GPR137C: variants seen among roughly 807,000 people sequenced by gnomAD.
GPR137C encodes the protein integral membrane protein GPR137C.
A neutral mutation model predicts 43.4 loss-of-function variants in GPR137C; 27 were observed. The observed-to-expected ratio is 0.62, with a 90% confidence interval of 0.46 to 0.86. The LOEUF is 0.86. GPR137C is among the 40% of genes least tolerant of loss of function. The probability of loss-of-function intolerance (pLI) is 0.00; values close to 1 mark genes in which losing one functional copy is unlikely to be tolerated. For synonymous variants in GPR137C, 285 were observed against 226.9 expected, an observed-to-expected ratio of 1.26 and a Z score of -2.30; for missense variants, 522 against 534.6, an observed-to-expected ratio of 0.98 and a Z score of 0.23.
intron 1 of GPR137C, among the ~76,000 whole-genome samples, chr14:52,564,276 A>AAC (rs1234489913): frequency 6.9e-6 from 1 of 145,650 alleles, no homozygotes. Flanking sequence ...CTTCGTCTCA[A>AAC]AAAAAAAAAA....
chr14:52,564,130 C>T (rs1046698865), intron 1 of GPR137C, among the ~76,000 whole-genome samples: 1 of 152,086 alleles, frequency 6.6e-6, no homozygotes, highest in Non-Finnish European at 1.5e-5. Flanking sequence ...CAAAAATTAG[C>T]TGGGTGTGGT....
chr14:52,578,701 T>C (rs1415518493), intron 1 of GPR137C, among the ~76,000 whole-genome samples: 1 of 152,132 alleles, frequency 6.6e-6, no homozygotes, highest in African/African-American at 2.4e-5. Context: ...TTTGGGAGGC[T>C]GAGGTGGGCG....
chr14:52,618,206 CTG>C (rs2039121147), intron 3 of GPR137C, among the ~76,000 whole-genome samples: 1 of 152,140 alleles, frequency 6.6e-6, no homozygotes, highest in South Asian at 2.1e-4. Context: ...AAGAGTTGAC[CTG>C]TCTGATAGAT....
chr14:52,628,044 A>G (rs1230395935), intron 3 of GPR137C, among the ~76,000 whole-genome samples: 1 of 152,194 alleles, frequency 6.6e-6, no homozygotes, highest in East Asian at 1.9e-4. Flanking sequence ...GCTAGTGGCT[A>G]TTGTGTTGAA....
intron 1 of GPR137C, among the ~76,000 whole-genome samples, chr14:52,587,008 A>G (rs2038722005): frequency 6.6e-6 from 1 of 152,136 alleles, no homozygotes; most frequent in African/African-American, 2.4e-5. Flanking sequence ...AGCCAGCCCA[A>G]TTCTTCAGCA....
chr14:52,630,026 C>T (rs1243532813), intron 3 of GPR137C, among the ~76,000 whole-genome samples: 2 of 152,128 alleles, frequency 1.3e-5, no homozygotes, highest in Non-Finnish European at 2.9e-5. Context: ...GGAAGGTTTT[C>T]TTCGACTTTC....
At chr14:52,573,201 T>C (rs1448753708) in intron 1 of GPR137C, among the ~76,000 whole-genome samples, 2 of 152,296 alleles carry the variant, frequency 1.3e-5, no homozygotes, top group African/African-American at 4.8e-5. Flanking sequence ...TTGACTTTCT[T>C]CACAGAATTA....
At chr14:52,600,700 A>C (rs1330579305) in intron 3 of GPR137C, among the ~76,000 whole-genome samples, 1 of 152,226 alleles carries the variant, frequency 6.6e-6, no homozygotes, top group Non-Finnish European at 1.5e-5. Context: ...TTACTAAACA[A>C]TGGTTTAAAG....
At chr14:52,595,811 A>G (rs1269154289) in intron 1 of GPR137C, among the ~76,000 whole-genome samples, 3 of 152,088 alleles carry the variant, frequency 2.0e-5, no homozygotes, top group Non-Finnish European at 4.4e-5. Flanking sequence ...TTTGAAGCCT[A>G]CTTCTGTCAA....
intron 1 of GPR137C, chr14:52,596,787 G>T: frequency 5.2e-6 from 2 of 384,502 alleles, no homozygotes; most frequent in South Asian, 3.8e-5. Context: ...CCCAGGTGAG[G>T]CGACACCCTG....
At chr14:52,555,300 C>A (rs536636540) in intron 1 of GPR137C, among the ~76,000 whole-genome samples, 1 of 152,068 alleles carries the variant, frequency 6.6e-6, no homozygotes, top group African/African-American at 2.4e-5. Context: ...ACTCTTTTTA[C>A]TTCTTGAGGT....
At position 52,632,240 on chromosome 14, in the gene GPR137C, G is replaced by A. The variant is rs753170232; in HGVS notation, c.798G>A (p.Val266=). ...CTTCCAGAGCTTGTTATAATTTGGT[G>A]GTGGTCACCATATCTCAGGATACAT... ...LYSSRACYNL[V]VVTISQDTLE... The change falls in exon 4 of 7, where the codon GTG becomes GTA. Residue 266 remains valine (V), a synonymous_variant. Transcript: ENST00000321662. The A allele has an allele frequency of 2.5e-6, 4 of 1,610,350 alleles. No homozygotes were observed. Among genetic ancestry groups the A allele is most frequent in the Admixed American group, 1.7e-5 (1 of 59,942 alleles).
chr14:52,582,847 C>T (rs893464480), intron 1 of GPR137C, among the ~76,000 whole-genome samples: 3 of 152,018 alleles, frequency 2.0e-5, no homozygotes, highest in Non-Finnish European at 2.9e-5. Flanking sequence ...TTTCAAATCA[C>T]TTGTATATGA....
At chr14:52,579,661 A>C (rs2038615491) in intron 1 of GPR137C, among the ~76,000 whole-genome samples, 1 of 152,236 alleles carries the variant, frequency 6.6e-6, no homozygotes, top group Non-Finnish European at 1.5e-5. Context: ...GAGTCAAATC[A>C]GAGGGAAAAG....
rs1238098313 is a variant in GPR137C, at chr14:52,634,930, T to G, written c.1113-8T>G. The G allele has an allele frequency of 5.6e-6, 9 of 1,611,048 alleles. No individual in the cohort carries two copies. The highest frequency in any genetic ancestry group is 1.3e-5 in the African/African-American group (1 of 74,744). Reference sequence around the variant, plus strand: ...TCCTATGGTCTTTTTGCCTTTTTTTTGTTGCAGTTTACCAAATTCGCAAAG... The same window carrying G: ...TCCTATGGTCTTTTTGCCTTTTTTTGGTTGCAGTTTACCAAATTCGCAAAG... On this transcript the variant is annotated splice_polypyrimidine_tract_variant and splice_region_variant and intron_variant, in intron 6 of 6. Coordinates refer to ENST00000321662, the MANE Select transcript of GPR137C (RefSeq NM_001099652.2).
rs770278309 is a variant in GPR137C, at chr14:52,625,532, C to CTTTTTTT, written c.718-6594_718-6588dup. Among the ~76,000 whole-genome samples the CTTTTTTT allele has an allele frequency of 1.4e-4, 5 of 36,082 alleles. 1 individual carries two copies. Among genetic ancestry groups the CTTTTTTT allele is most frequent in the Non-Finnish European group, 2.5e-4 (5 of 19,936 alleles). 23.7% of individuals were successfully genotyped at this position (36,082 alleles called of 152,430 possible). A position where few individuals can be genotyped will look rare whatever the true frequency, so the allele number is the denominator to read the frequency against. ...GAAAATAGAGGAGGGAAGAACACAT[C>CTTTTTTT]TTTTTTTTTTTTTTTTTTTTTTTTT... On this transcript the variant is annotated intron_variant, in intron 3 of 6. Transcript: ENST00000321662.
At position 52,632,433 on chromosome 14, in the gene GPR137C, A is replaced by G. The variant is rs532891103; in HGVS notation, c.867+124A>G. The G allele has an allele frequency of 4.2e-4, 281 of 671,986 alleles. 1 individual carries two copies. Among genetic ancestry groups the G allele is most frequent in the Non-Finnish European group, 6.4e-4 (255 of 399,852 alleles). The allele number at this position is 671,986 out of a possible 1,614,324, so 41.6% of individuals were successfully genotyped here. A position where few individuals can be genotyped will look rare whatever the true frequency, so the allele number is the denominator to read the frequency against. On this transcript the variant is annotated intron_variant, in intron 4 of 6. Transcript: ENST00000321662. Reference sequence around the variant, plus strand: ...GAATCTCTGTCTACTGTCAGTAATCATACTTAAAGCTTTGTGTTTAAAAAT... The same window carrying G: ...GAATCTCTGTCTACTGTCAGTAATCGTACTTAAAGCTTTGTGTTTAAAAAT...
intron 3 of GPR137C, among the ~76,000 whole-genome samples, chr14:52,630,325 C>T (rs2039280069): frequency 6.6e-6 from 1 of 152,048 alleles, no homozygotes; most frequent in African/African-American, 2.4e-5. Flanking sequence ...TGCATATAAA[C>T]TTTTGCAGTT....
At position 52,553,333 on chromosome 14, in the gene GPR137C, C is replaced by T. The variant is rs1167212768; in HGVS notation, c.186C>T (p.Ala62=). ...CCCTGCTCTACGCCGCGCTGTTCGC[C>T]TTTGCCTACCTGCAGCTGTGGCGGC... ...LHALLYAALF[A]FAYLQLWRLL... The change falls in exon 1 of 7, where the codon GCC becomes GCT. Residue 62 remains alanine, a synonymous_variant. Transcript: ENST00000321662. The T allele has an allele frequency of 4.4e-6, 7 of 1,598,636 alleles. No homozygotes were observed. Among genetic ancestry groups the T allele is most frequent in the Non-Finnish European group, 5.9e-6 (7 of 1,177,106 alleles).
Sources: allele counts gnomAD v4.1 joint callset (sites outside exome capture counted in the v4.1 genomes callset), GRCh38; gene constraint gnomAD v4.1.1; transcripts MANE v1.5; gene names NCBI Gene and HGNC (gene_info 2026-07-23, HGNC 2026-07-21).